The following WDR7 variants were observed in gnomAD, a reference collection of about 807,000 sequenced individuals.
WDR7 encodes WD repeat domain 7.
A neutral mutation model predicts 169.4 loss-of-function variants in WDR7; 46 were observed. That is an observed-to-expected ratio of 0.27 (90% CI 0.21 to 0.35). WDR7 has a LOEUF of 0.35. WDR7 is among the 10% of genes least tolerant of loss of function. WDR7 has a pLI of 1.00. For synonymous variants in WDR7, 612 were observed against 666.8 expected (o/e 0.92, Z 1.27); for missense variants, 1,534 against 1,859.3 (o/e 0.83, Z 3.22).
chr18:56,978,476 AAG>A (rs2047598032), intron 26 of WDR7, among the ~76,000 whole-genome samples: 1 of 152,212 alleles, frequency 6.6e-6, no homozygotes, highest in Admixed American at 6.5e-5. Context: ...TTTTTGCAAA[AAG>A]AGTGTGAGAA....
intron 21 of WDR7, among the ~76,000 whole-genome samples, chr18:56,891,232 T>C (rs1202883129): frequency 6.6e-6 from 1 of 152,172 alleles, no homozygotes; most frequent in East Asian, 1.9e-4. Flanking sequence ...TATACTACTT[T>C]CAGAACTAAT....
intron 7 of WDR7, among the ~76,000 whole-genome samples, chr18:56,687,993 G>T (rs1285321441): frequency 1.3e-5 from 2 of 152,160 alleles, no homozygotes; most frequent in Non-Finnish European, 2.9e-5. Flanking sequence ...TTACACATGG[G>T]TATGAATACC....
rs369495975 is a variant in WDR7 at position 56,882,712 on chromosome 18, CTGTT to C, written c.3526+2551_3526+2554del. 2.3e-4 allele frequency among the ~76,000 whole-genome samples: 35 copies of C among 152,294 alleles called. No homozygotes were observed. The East Asian group carries it at 5.8e-3, about 25-fold the overall frequency. On this transcript the variant is annotated intron_variant, in intron 21 of 27. Transcript: ENST00000254442. ...TCCTTTAAAATACCTAGGTCTTAAA[CTGTT>C]TGTGCTTCTAAAACTACCTATTCCT...
intron 25 of WDR7, among the ~76,000 whole-genome samples, chr18:56,958,423 G>A (rs983777397): frequency 2.6e-5 from 4 of 151,986 alleles, no homozygotes; most frequent in Non-Finnish European, 4.4e-5. Context: ...ATTGAAATTT[G>A]TGTGTGCTAA....
At chr18:56,828,853 G>C (rs1191069265) in intron 20 of WDR7, among the ~76,000 whole-genome samples, 1 of 152,078 alleles carries the variant, frequency 6.6e-6, no homozygotes, top group Non-Finnish European at 1.5e-5. Flanking sequence ...ACTAGTGGAG[G>C]ATGTGTGCCT....
chr18:57,032,801 T>TTATATATATATATATATATATA (rs56876611), downstream of WDR7: 6 of 106,190 alleles, frequency 5.7e-5, no homozygotes, highest in Non-Finnish European at 9.9e-5. Flanking sequence ...TATAATTATT[T>TTATATATATATATATATATATA]TATATATATA....
chr18:57,029,276 C>T lies in WDR7; in HGVS notation c.*2069C>T, dbSNP rs369579890. Reference sequence around the variant, plus strand: ...AGGAGCAATAGCCCTGGGCCACAAGCGTGGGTAGGCCTTTCACGTATTCCG... The same window carrying T: ...AGGAGCAATAGCCCTGGGCCACAAGTGTGGGTAGGCCTTTCACGTATTCCG... On this transcript the variant is annotated 3_prime_UTR_variant, in exon 28 of 28. Transcript: ENST00000254442. 89 of 152,276 alleles carry T rather than the reference C, an allele frequency of 5.8e-4. No homozygotes were observed. The highest frequency in any genetic ancestry group is 1.9e-3 in the African/African-American group (79 of 41,562). The allele number at this position is 152,276 out of a possible 1,614,324, so 9.4% of individuals were successfully genotyped here. A position where few individuals can be genotyped will look rare whatever the true frequency, so the allele number is the denominator to read the frequency against.
At chr18:56,937,244 C>T (rs931507621) in intron 23 of WDR7, among the ~76,000 whole-genome samples, 1 of 152,118 alleles carries the variant, frequency 6.6e-6, no homozygotes, top group African/African-American at 2.4e-5. Flanking sequence ...AAGAAGTTTT[C>T]AGCCTGGTAC....
intron 1 of WDR7, among the ~76,000 whole-genome samples, chr18:56,670,150 A>T (rs929156163): frequency 6.6e-6 from 1 of 152,044 alleles, no homozygotes; most frequent in Non-Finnish European, 1.5e-5. Context: ...AACTAGGTTT[A>T]TGTGGTTGCC....
At chr18:56,906,402 CAA>C (rs1027991817) in intron 21 of WDR7, among the ~76,000 whole-genome samples, 6 of 152,116 alleles carry the variant, frequency 3.9e-5, no homozygotes, top group Non-Finnish European at 5.9e-5. Flanking sequence ...ATGAAAGAGA[CAA>C]GAGAGGGCAT....
At chr18:56,675,373 C>A (rs2025221884) in intron 2 of WDR7, among the ~76,000 whole-genome samples, 1 of 151,716 alleles carries the variant, frequency 6.6e-6, no homozygotes, top group African/African-American at 2.4e-5. Context: ...TTATTTAGAT[C>A]TTTAGTTTTT....
intron 20 of WDR7, among the ~76,000 whole-genome samples, chr18:56,852,142 A>G (rs1276021579): frequency 6.6e-6 from 1 of 152,168 alleles, no homozygotes; most frequent in East Asian, 1.9e-4. Context: ...CCCACCCTGT[A>G]TCACCCAGCT....
chr18:56,682,562 C>T (rs1022289767), intron 4 of WDR7, 117 bp from the exon 5 acceptor site: 2 of 1,116,910 alleles, frequency 1.8e-6, no homozygotes, highest in East Asian at 4.8e-5. Context: ...AAAATTCTTA[C>T]CGAAGAAGTT....
At chr18:56,951,768 CT>C (rs2145739327) in intron 25 of WDR7, among the ~76,000 whole-genome samples, 1 of 151,986 alleles carries the variant, frequency 6.6e-6, no homozygotes, top group African/African-American at 2.4e-5. Flanking sequence ...ATATAGTCTG[CT>C]TTTTCAAAGA....
chr18:56,838,958 T>G (rs1472114636), intron 20 of WDR7, among the ~76,000 whole-genome samples: 1 of 152,212 alleles, frequency 6.6e-6, no homozygotes, highest in African/African-American at 2.4e-5. Context: ...TGTATGATTA[T>G]TTTAAAGATT....
At chr18:56,999,129 T>A (rs529082482) in intron 26 of WDR7, among the ~76,000 whole-genome samples, 1 of 152,332 alleles carries the variant, frequency 6.6e-6, no homozygotes, top group Non-Finnish European at 1.5e-5. Flanking sequence ...ACAGAGGCTG[T>A]CAGTGAAATG....
intron 2 of WDR7, among the ~76,000 whole-genome samples, chr18:56,676,878 T>C (rs763626274): frequency 3.9e-5 from 6 of 152,152 alleles, no homozygotes; most frequent in Non-Finnish European, 5.9e-5. Flanking sequence ...TCAGGCTAAG[T>C]GCTGGAATTA....
intron 19 of WDR7, among the ~76,000 whole-genome samples, chr18:56,788,784 T>G (rs2044441478): frequency 6.6e-6 from 1 of 152,140 alleles, no homozygotes; most frequent in Non-Finnish European, 1.5e-5. Flanking sequence ...TCAAAAATAT[T>G]TGTAATAGTT....
intron 9 of WDR7, 41 bp downstream of exon 9, chr18:56,691,858 T>C (rs1308481025): frequency 2.7e-6 from 4 of 1,489,914 alleles, no homozygotes; most frequent in Non-Finnish European, 3.7e-6. Context: ...AAAGTTACAT[T>C]GAAAAACTTC....
Sources: gnomAD v4.1 joint callset for allele counts (sites outside exome capture counted in the v4.1 genomes callset) on GRCh38, gnomAD v4.1.1 for gene constraint, MANE v1.5 for transcripts, NCBI Gene and HGNC (gene_info 2026-07-23, HGNC 2026-07-21) for gene names.